Variants in GPR55 observed in about 807,000 individuals in gnomAD.
GPR55 encodes the protein G-protein coupled receptor 55.
Under a neutral mutation model 7.9 loss-of-function variants are expected in GPR55, and 6 were observed. The ratio of observed to expected loss-of-function variants is 0.76; its 90% confidence interval spans 0.41 to 1.49. The LOEUF is 1.49. Among genes scored for constraint, GPR55 ranks in the 40% most tolerant of loss-of-function variants. GPR55 has a pLI of 0.01. For missense variants in GPR55, 376 were observed against 406.0 expected, an observed-to-expected ratio of 0.93 and a Z score of 0.63; for synonymous variants, 183 against 166.8, an observed-to-expected ratio of 1.10 and a Z score of -0.75.
At chr2:230,953,312 T>A (rs1194944391) in intron 1 of GPR55, among the ~76,000 whole-genome samples, 1 of 152,338 alleles carries the variant, frequency 6.6e-6, no homozygotes, top group Non-Finnish European at 1.5e-5. Context: ...TTGCCAATTA[T>A]CCTGGATTAT....
upstream of GPR55, among the ~76,000 whole-genome samples, chr2:230,930,162 A>C (rs530510743): frequency 5.3e-4 from 81 of 152,370 alleles, no homozygotes; most frequent in Non-Finnish European, 8.8e-4. Context: ...CCAGGCCACC[A>C]GGTCACAGCT....
chr2:230,945,229 G>A (rs927908115), intron 1 of GPR55, among the ~76,000 whole-genome samples: 1 of 152,186 alleles, frequency 6.6e-6, no homozygotes, highest in Non-Finnish European at 1.5e-5. Context: ...GACGTGGGTG[G>A]CGAGTGTGTG....
chr2:230,936,066 A>AGAGGAAGAGAATATTAAG (rs1322233036), intron 1 of GPR55, among the ~76,000 whole-genome samples: 6 of 152,212 alleles, frequency 3.9e-5, no homozygotes, highest in African/African-American at 1.4e-4. Context: ...AGAATATTAA[A>AGAGGAAGAGAATATTAAG]GAGGTTGGCA....
chr2:230,933,247 C>G (rs573212431), intron 1 of GPR55, among the ~76,000 whole-genome samples: 18 of 107,428 alleles, frequency 1.7e-4, no homozygotes, highest in African/African-American at 6.3e-4. Flanking sequence ...TCTTCCTGTG[C>G]TCTTGACTTC....
chr2:230,943,013 A>AAGAGAAGAGAAGAGG (rs1691257429), intron 1 of GPR55, among the ~76,000 whole-genome samples: 1 of 149,018 alleles, frequency 6.7e-6, no homozygotes, highest in African/African-American at 2.4e-5. Context: ...AAGAGAAGAG[A>AAGAGAAGAGAAGAGG]AGAGAAGAGA....
Position 230,920,083 on chromosome 2 carries a change from CTCTG to C in GPR55, c.-135+5081_-135+5084del, listed in dbSNP as rs1181561703. Among the ~76,000 whole-genome samples the C allele has an allele frequency of 8.8e-5, 11 of 124,326 alleles. No individual in the cohort carries two copies. In the South Asian group the frequency reaches 2.8e-3, roughly 32 times the overall value. 81.6% of individuals were successfully genotyped at this position (124,326 alleles called of 152,430 possible). ...GATTTTTAAAATCTTTTATCTTTAT[CTCTG>C]TCTTTTGTGTGTGTGTGTGTGTGTG... On this transcript the variant is annotated intron_variant, in intron 1 of 1. Transcript: ENST00000650999.
chr2:230,943,179 C>G (rs1377170706), intron 1 of GPR55, among the ~76,000 whole-genome samples: 2 of 152,056 alleles, frequency 1.3e-5, no homozygotes, highest in Non-Finnish European at 2.9e-5. Flanking sequence ...GAAACTGAGG[C>G]CCCAGCAGAG....
At position 230,939,880 on chromosome 2, in the gene GPR55, C is replaced by T. The variant is rs115640633; in HGVS notation, c.-135+20895G>A. Among the ~76,000 whole-genome samples, 582 of 152,000 alleles carry T rather than the reference C, an allele frequency of 3.8e-3. 1 individual carries two copies. The highest frequency in any genetic ancestry group is 0.013 in the African/African-American group (546 of 41,432). On this transcript the variant is annotated intron_variant, in intron 1 of 1. Coordinates refer to the GPR55 transcript ENST00000392039. ...CCACCCAGGGGCAAGCAGGCTGCAG[C>T]GGGGAGAGACAGTCACAGGCTGAAG...
At position 230,910,342 on chromosome 2, in the gene GPR55, G is replaced by A. The variant is rs373030865; in HGVS notation, c.621C>T (p.Ile207=). Residue 207 remains isoleucine (I), a synonymous_variant, in exon 2 of 2, where the codon ATC becomes ATT. Transcript: ENST00000650999. This position sits in a 1 kb window ranked among gnomAD's most constrained non-coding sequence, Gnocchi z 5.4. ...MGFCCSRSIH[I]LLGRRDHTQD... is the part of the protein sequence containing the mutation. ...GGGTGTGGTCTCGGCGGCCCAGCAG[G>A]ATGTGGATGCTCCTGGAGCAGCAGA... 4 of 1,613,660 alleles carry A rather than the reference G, an allele frequency of 2.5e-6. No homozygotes were observed. Among genetic ancestry groups the A allele is most frequent in the African/African-American group, 1.3e-5 (1 of 74,820 alleles).
intron 1 of GPR55, among the ~76,000 whole-genome samples, chr2:230,940,871 A>G (rs1455195584): frequency 6.6e-6 from 1 of 152,164 alleles, no homozygotes; most frequent in Non-Finnish European, 1.5e-5. Context: ...AATCCCAACA[A>G]TTTGGGAGGC....
intron 1 of GPR55, among the ~76,000 whole-genome samples, chr2:230,916,929 A>G (rs1690730592): frequency 6.6e-6 from 1 of 152,192 alleles, no homozygotes; most frequent in Admixed American, 6.5e-5. Flanking sequence ...CAATTCAAAA[A>G]TAAAATATAA....
At chr2:230,933,009 G>T (rs1312049410) in intron 1 of GPR55, among the ~76,000 whole-genome samples, 1 of 152,146 alleles carries the variant, frequency 6.6e-6, no homozygotes, top group African/African-American at 2.4e-5. Flanking sequence ...CTGATCTTTG[G>T]CAACGATGAA....
rs1221006567 is a variant in GPR55 at position 230,923,988 on chromosome 2, C to T, written c.-135+1180G>A. On this transcript the variant is annotated intron_variant, in intron 1 of 1. Coordinates refer to ENST00000650999, the MANE Select transcript of GPR55 (RefSeq NM_005683.4). The surrounding 1 kb of genome is among the most constrained non-coding windows in gnomAD (Gnocchi z 4.1). ...AATCCCACCTCTTCCTTGAAATGCC[C>T]ACTTCCCAGGTTCACCCACATCATC... 1.3e-5 allele frequency among the ~76,000 whole-genome samples: 2 copies of T among 152,014 alleles called. No individual in the cohort carries two copies. Among genetic ancestry groups the T allele is most frequent in the African/African-American group, 2.4e-5 (1 of 41,376 alleles).
intron 1 of GPR55, among the ~76,000 whole-genome samples, chr2:230,938,655 C>T (rs1237932061): frequency 1.3e-5 from 2 of 152,334 alleles, no homozygotes; most frequent in East Asian, 1.9e-4. Flanking sequence ...AAATCCGAGG[C>T]TGTCCTGGAG....
chr2:230,942,913 C>T (rs1371707128), intron 1 of GPR55, among the ~76,000 whole-genome samples: 1 of 152,058 alleles, frequency 6.6e-6, no homozygotes, highest in East Asian at 1.9e-4. Flanking sequence ...TTCATCATTG[C>T]CAATGAACAG....
chr2:230,953,984 T>A (rs528779804), intron 1 of GPR55, among the ~76,000 whole-genome samples: 3 of 152,236 alleles, frequency 2.0e-5, no homozygotes, highest in Non-Finnish European at 4.4e-5. Context: ...CAAGGTCTGA[T>A]GAGCAGGCCT....
chr2:230,917,665 C>T (rs143745241), intron 1 of GPR55, among the ~76,000 whole-genome samples: 10 of 151,496 alleles, frequency 6.6e-5, no homozygotes, highest in Middle Eastern at 3.4e-3. Context: ...TTTTAATTAG[C>T]TGGATGTGGT....
intron 1 of GPR55, among the ~76,000 whole-genome samples, chr2:230,932,796 T>C (rs2125062352): frequency 6.6e-6 from 1 of 152,288 alleles, no homozygotes; most frequent in Non-Finnish European, 1.5e-5. Flanking sequence ...TAGCCCAGGC[T>C]CGGCCTGGGA....
At chr2:230,931,824 C>T (rs1246912360) in intron 1 of GPR55, among the ~76,000 whole-genome samples, 1 of 152,150 alleles carries the variant, frequency 6.6e-6, no homozygotes, top group Admixed American at 6.5e-5. Flanking sequence ...CGGGCCACCC[C>T]TGGCCCAGTC....
Sources: gnomAD v4.1 joint callset for allele counts (sites outside exome capture counted in the v4.1 genomes callset) on GRCh38, gnomAD v4.1.1 for gene constraint, Gnocchi (gnomAD v3.1) non-coding constraint, MANE v1.5 for transcripts, NCBI Gene and HGNC (gene_info 2026-07-23, HGNC 2026-07-21) for gene names.